The following PRKX variants were observed in gnomAD, a reference collection of about 807,000 sequenced individuals.
PRKX encodes the protein cAMP-dependent protein kinase catalytic subunit PRKX.
Under a neutral mutation model 22.0 loss-of-function variants are expected in PRKX, and 12 were observed. That is an observed-to-expected ratio of 0.54 (90% CI 0.35 to 0.88). The LOEUF is 0.88. Among genes scored for constraint, PRKX ranks in the 40% least tolerant of loss-of-function variants. The pLI, the probability that PRKX is intolerant of heterozygous loss-of-function variation, is 0.01. For synonymous variants in PRKX, 134 were observed against 137.7 expected, an observed-to-expected ratio of 0.97 and a Z score of 0.19; for missense variants, 217 against 308.0, an observed-to-expected ratio of 0.70 and a Z score of 2.21.
intron 1 of PRKX, among the ~76,000 whole-genome samples, chrX:3,693,939 CAAAAAAAAAA>C (rs1230845031): frequency 3.0e-5 from 1 of 33,086 alleles, no homozygotes; most frequent in Non-Finnish European, 5.8e-5. Flanking sequence ...GACTCCGTCT[CAAAAAAAAAA>C]AAAAAAAAAA....
chrX:3,696,615 C>A (rs1022396323), intron 1 of PRKX, among the ~76,000 whole-genome samples: 1 of 112,154 alleles, frequency 8.9e-6, no homozygotes, highest in African/African-American at 3.2e-5. Flanking sequence ...TCTTTCTCAC[C>A]ATCGTAAAAT....
At chrX:3,652,289 G>C (rs1215934387) in intron 3 of PRKX, among the ~76,000 whole-genome samples, 2 of 110,809 alleles carry the variant, frequency 1.8e-5, no homozygotes, top group African/African-American at 6.6e-5. Flanking sequence ...GTGGTGGCGG[G>C]CGCCCGTAGT....
At chrX:3,706,724 C>T (rs1457307196) in intron 1 of PRKX, among the ~76,000 whole-genome samples, 1 of 112,402 alleles carries the variant, frequency 8.9e-6, no homozygotes, top group Non-Finnish European at 1.9e-5. Context: ...CTGCTTTTGT[C>T]GTCCAATCCC....
At chrX:3,672,313 C>T (rs957228401) in intron 2 of PRKX, among the ~76,000 whole-genome samples, 1 of 111,978 alleles carries the variant, frequency 8.9e-6, no homozygotes, top group Non-Finnish European at 1.9e-5. Flanking sequence ...GAAATATAAA[C>T]GACTTTGTTC....
At chrX:3,666,152 A>AT (rs34567097) in intron 2 of PRKX, among the ~76,000 whole-genome samples, 11,070 of 68,049 alleles carry the variant, frequency 0.16, 1,141 homozygotes, top group East Asian at 0.32. Context: ...TGAACTGTAC[A>AT]TTTTTTTTTT....
intron 3 of PRKX, among the ~76,000 whole-genome samples, chrX:3,646,931 C>T (rs916943940): frequency 1.8e-5 from 2 of 110,435 alleles, no homozygotes; most frequent in African/African-American, 3.3e-5. Flanking sequence ...ATACCCACGT[C>T]CTAGTATGAA....
intron 5 of PRKX, among the ~76,000 whole-genome samples, chrX:3,625,610 C>T (rs756960520): frequency 8.1e-5 from 9 of 110,879 alleles, no homozygotes; most frequent in African/African-American, 2.6e-4. Flanking sequence ...CTTGCTCTGT[C>T]GCCCAGGCTG....
intron 1 of PRKX, among the ~76,000 whole-genome samples, chrX:3,684,261 AAAAC>A (rs770598315): frequency 5.4e-5 from 6 of 112,141 alleles, no homozygotes; most frequent in South Asian, 3.7e-4. Context: ...CAAAAAAACA[AAAAC>A]AAACAAACGA....
chrX:3,672,441 C>T (rs1383436760), intron 2 of PRKX, among the ~76,000 whole-genome samples: 1 of 111,204 alleles, frequency 9.0e-6, no homozygotes, highest in Non-Finnish European at 1.9e-5. Context: ...AACTACCTAA[C>T]TAAAGCTCTG....
Position 3,634,673 on chromosome X carries a change from T to C in PRKX, c.719+7179A>G, listed in dbSNP as rs183253453. 1.5e-3 allele frequency among the ~76,000 whole-genome samples: 162 copies of C among 110,703 alleles called. 1 individual carries two copies. Among genetic ancestry groups the C allele is most frequent in the Non-Finnish European group, 2.5e-3 (133 of 52,881 alleles). ...AAAGAGATTCACAAAACCCAGAAAA[T>C]ACAGCCAACCTCCTCACAAATGTTT... is the stretch of plus-strand genomic sequence containing the variant. On this transcript the variant is annotated intron_variant, in intron 4 of 8. Coordinates refer to ENST00000262848, the MANE Select transcript of PRKX (RefSeq NM_005044.5).
intron 1 of PRKX, among the ~76,000 whole-genome samples, chrX:3,707,069 G>A (rs1171904699): frequency 7.1e-5 from 8 of 111,907 alleles, no homozygotes; most frequent in African/African-American, 2.0e-4. Context: ...CGAGGCTGCA[G>A]TGAGCTGTTG....
At chrX:3,706,549 G>A (rs1457580393) in intron 1 of PRKX, among the ~76,000 whole-genome samples, 2 of 108,593 alleles carry the variant, frequency 1.8e-5, no homozygotes, top group East Asian at 3.0e-4. Flanking sequence ...GCAGTAGCAC[G>A]ATCTCAGCCC....
intron 3 of PRKX, among the ~76,000 whole-genome samples, chrX:3,648,364 G>A (rs925300392): frequency 9.1e-6 from 1 of 110,139 alleles, no homozygotes; most frequent in African/African-American, 3.3e-5. Flanking sequence ...GTAGAGATGA[G>A]GTCTTGCTAT....
At chrX:3,676,897 C>A (rs1927968170) in intron 1 of PRKX, among the ~76,000 whole-genome samples, 1 of 112,086 alleles carries the variant, frequency 8.9e-6, no homozygotes, top group Non-Finnish European at 1.9e-5. Context: ...TGCCTGCTGT[C>A]ATGTAAGACG....
intron 7 of PRKX, among the ~76,000 whole-genome samples, chrX:3,614,854 C>T (rs768808328): frequency 9.1e-6 from 1 of 109,870 alleles, no homozygotes; most frequent in Non-Finnish European, 1.9e-5. Flanking sequence ...ACATTCTATG[C>T]GTGTGTCAAA....
chrX:3,675,557 C>T (rs987325392), intron 1 of PRKX, among the ~76,000 whole-genome samples: 1 of 110,156 alleles, frequency 9.1e-6, no homozygotes, highest in Admixed American at 9.8e-5. Flanking sequence ...CTTCCTCCTC[C>T]TCCATCTCCT....
intron 1 of PRKX, among the ~76,000 whole-genome samples, chrX:3,711,208 G>C (rs1372575704): frequency 9.1e-6 from 1 of 110,221 alleles, no homozygotes; most frequent in African/African-American, 3.3e-5. Context: ...TGTCCAATGA[G>C]TGTGGGATAC....
In PRKX at chrX:3,605,445, C is replaced by T. The variant is rs766567225; in HGVS notation, c.*3524G>A. 3.6e-5 allele frequency: 4 copies of T among 111,566 alleles called. No individual in the cohort carries two copies. The highest frequency in any genetic ancestry group is 3.8e-4 in the South Asian group (1 of 2,652). 9.2% of individuals were successfully genotyped at this position (111,566 alleles called of 1,213,427 possible). On this transcript the variant is annotated 3_prime_UTR_variant, in exon 9 of 9. Coordinates refer to ENST00000262848, the MANE Select transcript of PRKX (RefSeq NM_005044.5). ...CATTCTGGTGGGGTATTTGTGCAGC[C>T]TGAGGTGCACCTGGCTACAGAGTGG... is the stretch of plus-strand genomic sequence containing the variant.
At chrX:3,675,862 C>T (rs950537505) in intron 1 of PRKX, among the ~76,000 whole-genome samples, 1 of 111,410 alleles carries the variant, frequency 9.0e-6, no homozygotes, top group African/African-American at 3.3e-5. Flanking sequence ...TCACTGTAGC[C>T]TCTACCTCCT....
Sources: gnomAD v4.1 joint callset for allele counts (sites outside exome capture counted in the v4.1 genomes callset) on GRCh38, gnomAD v4.1.1 for gene constraint, MANE v1.5 for transcripts, NCBI Gene and HGNC (gene_info 2026-07-23, HGNC 2026-07-21) for gene names.